The following PALS1 variants were observed in gnomAD, a reference collection of about 807,000 sequenced individuals.
PALS1 encodes the protein protein associated with LIN7 1, MAGUK p55 family member.
Under a neutral mutation model 78.9 loss-of-function variants are expected in PALS1, and 31 were observed. The observed-to-expected ratio is 0.39, with a 90% CI of 0.30 to 0.53. The LOEUF (loss-of-function observed/expected upper bound fraction) is 0.53. Among genes scored for constraint, PALS1 ranks in the 20% least tolerant of loss-of-function variants. PALS1 has a pLI of 0.67. For synonymous variants in PALS1, 276 were observed against 270.9 expected (o/e 1.02, Z -0.18); for missense variants, 704 against 826.5 (o/e 0.85, Z 1.82).
At chr14:67,300,889 A>T (rs1054149990) in intron 4 of PALS1, among the ~76,000 whole-genome samples, 9 of 151,048 alleles carry the variant, frequency 6.0e-5, no homozygotes, top group Non-Finnish European at 3.0e-5. Context: ...ACAGGGTCTC[A>T]CTGTGTTGCC....
intron 1 of PALS1, among the ~76,000 whole-genome samples, chr14:67,268,103 G>A (rs900997900): frequency 6.6e-6 from 1 of 152,248 alleles, no homozygotes; most frequent in South Asian, 2.1e-4. Context: ...TGTGTGGAAT[G>A]TCTCAGTCAT....
intron 4 of PALS1, among the ~76,000 whole-genome samples, chr14:67,293,424 T>G (rs962325588): frequency 6.6e-6 from 1 of 152,132 alleles, no homozygotes; most frequent in African/African-American, 2.4e-5. Flanking sequence ...ATGTATTTCA[T>G]TGAATGCCAA....
intron 11 of PALS1, among the ~76,000 whole-genome samples, chr14:67,318,922 A>G (rs1429906829): frequency 1.3e-5 from 2 of 152,068 alleles, no homozygotes; most frequent in Non-Finnish European, 2.9e-5. Context: ...GCCAGGCGTG[A>G]TGGCGGGTGC....
rs1438864567 is a variant in PALS1, at chr14:67,335,885, C to A, written c.*2929C>A. On this transcript the variant is annotated 3_prime_UTR_variant, in exon 15 of 15. Coordinates refer to ENST00000261681, the MANE Select transcript of PALS1 (RefSeq NM_022474.4). ...TTCCACACATGTAAAGACCACCCTCCTCTTCAAGTTTTTGCCAAAAGCAAG... is the reference window on the plus strand; with the variant it reads ...TTCCACACATGTAAAGACCACCCTCATCTTCAAGTTTTTGCCAAAAGCAAG... 6.6e-6 allele frequency: 1 copy of A among 152,254 alleles called. No homozygotes were observed. Among genetic ancestry groups the A allele is most frequent in the Non-Finnish European group, 1.5e-5 (1 of 68,050 alleles). The allele number at this position is 152,254 out of a possible 1,614,324, so 9.4% of individuals were successfully genotyped here. A position where few individuals can be genotyped will look rare whatever the true frequency, so the allele number is the denominator to read the frequency against.
intron 14 of PALS1, among the ~76,000 whole-genome samples, chr14:67,324,906 T>C (rs1344617854): frequency 7.2e-6 from 1 of 138,888 alleles, no homozygotes; most frequent in Non-Finnish European, 1.5e-5. Flanking sequence ...CATTTTTTTT[T>C]TTTTTTTTTT....
At position 67,299,671 on chromosome 14, in the gene PALS1, A is replaced by ATG. The variant is rs2084905183; in HGVS notation, c.577-1714_577-1713dup. 2.6e-5 allele frequency among the ~76,000 whole-genome samples: 4 copies of ATG among 152,202 alleles called. No individual in the cohort carries two copies. In the South Asian group the frequency reaches 6.2e-4, roughly 24 times the overall value. ...CACCGTTGTAGAAGTAGCTGATGAT[A>ATG]TGTGTTGACACTAGAATAAGCAACA... On this transcript the variant is annotated intron_variant, in intron 4 of 14. Coordinates refer to ENST00000261681, the MANE Select transcript of PALS1 (RefSeq NM_022474.4).
intron 1 of PALS1, among the ~76,000 whole-genome samples, chr14:67,258,444 G>A (rs2084180305): frequency 6.6e-6 from 1 of 152,186 alleles, no homozygotes; most frequent in Admixed American, 6.5e-5. Flanking sequence ...ATTGAGGCAG[G>A]AGGATTGCAA....
At chr14:67,255,206 G>C (rs2084128001) in intron 1 of PALS1, among the ~76,000 whole-genome samples, 1 of 152,022 alleles carries the variant, frequency 6.6e-6, no homozygotes. Context: ...TGACACTTCA[G>C]ACACGTTTTT....
intron 1 of PALS1, among the ~76,000 whole-genome samples, chr14:67,242,216 A>T (rs1445096220): frequency 1.3e-5 from 2 of 152,198 alleles, no homozygotes; most frequent in African/African-American, 4.8e-5. Flanking sequence ...CTGTTGATTG[A>T]CATACAGTAA....
At chr14:67,278,804 T>A (rs2084552467) in intron 2 of PALS1, among the ~76,000 whole-genome samples, 1 of 152,236 alleles carries the variant, frequency 6.6e-6, no homozygotes, top group South Asian at 2.1e-4. Flanking sequence ...TTGAATAGTA[T>A]GTTTCACATT....
chr14:67,256,797 G>GACACACACACACACAC lies in PALS1; in HGVS notation c.-236-12892_-236-12877dup, dbSNP rs10654145. Among the ~76,000 whole-genome samples, 991 of 147,756 alleles carry GACACACACACACACAC rather than the reference G, an allele frequency of 6.7e-3. 15 individuals are homozygous for GACACACACACACACAC. The highest frequency in any genetic ancestry group is 0.055 in the South Asian group (256 of 4,638). ...AGGACGAAGTGTTCCAGAAACTATT[G>GACACACACACACACAC]ACACACACACACACACACACACACA... On this transcript the variant is annotated intron_variant, in intron 1 of 14. Transcript: ENST00000261681.
chr14:67,320,251 T>C lies in PALS1; in HGVS notation c.1391T>C (p.Leu464Ser), dbSNP rs912462952. Residue 464 changes from leucine (L) to serine (S), a missense_variant, in exon 12 of 15, where the codon TTA becomes TCA. Coordinates refer to ENST00000261681, the MANE Select transcript of PALS1 (RefSeq NM_022474.4). ...KNDDYDNEEI[L>S]TYEEMSLYHQ... is the part of the protein sequence containing the mutation. ...AAAGATTATGACAACGAGGAGATCT[T>C]AACCTATGAGGAAATGTCACTTTAT... 6.2e-7 allele frequency: 1 copy of C among 1,612,908 alleles called. No homozygotes were observed. The highest frequency in any genetic ancestry group is 1.3e-5 in the African/African-American group (1 of 74,978).
intron 1 of PALS1, among the ~76,000 whole-genome samples, chr14:67,269,398 C>T (rs942172379): frequency 2.0e-5 from 3 of 152,012 alleles, no homozygotes; most frequent in Admixed American, 1.3e-4. Context: ...GGAGTAGAAT[C>T]GCTGATATGG....
At chr14:67,318,795 T>C (rs781127276) in intron 11 of PALS1, among the ~76,000 whole-genome samples, 1 of 152,076 alleles carries the variant, frequency 6.6e-6, no homozygotes, top group Non-Finnish European at 1.5e-5. Flanking sequence ...CGGTGGGTCA[T>C]GCCTGTAATC....
At chr14:67,285,568 A>T (rs2084673084) in intron 3 of PALS1, among the ~76,000 whole-genome samples, 1 of 149,102 alleles carries the variant, frequency 6.7e-6, no homozygotes, top group Non-Finnish European at 1.5e-5. Context: ...ATGGGGTTTC[A>T]CCGTGTTAGC....
rs1835323712 is a variant in PALS1 at position 67,302,907 on chromosome 14, A to AT, written c.963+342dup. ...ACAAAACAAAGTCTGTGTCCTGATG[A>AT]TTTTTTGTGTTCTTTTATTTTATTA... On this transcript the variant is annotated intron_variant, in intron 7 of 14. Coordinates refer to ENST00000261681, the MANE Select transcript of PALS1 (RefSeq NM_022474.4). Among the ~76,000 whole-genome samples, 9 of 152,234 alleles carry AT rather than the reference A, an allele frequency of 5.9e-5. No homozygotes were observed. In the East Asian group the frequency reaches 1.5e-3, roughly 26 times the overall value.
At chr14:67,265,298 C>CT (rs1332563189) in intron 1 of PALS1, among the ~76,000 whole-genome samples, 3 of 152,118 alleles carry the variant, frequency 2.0e-5, no homozygotes, top group Admixed American at 6.6e-5. Flanking sequence ...TGACTCATGC[C>CT]TGTAATCTCA....
intron 1 of PALS1, among the ~76,000 whole-genome samples, chr14:67,250,671 A>G (rs1030187943): frequency 3.3e-5 from 5 of 152,230 alleles, no homozygotes; most frequent in African/African-American, 1.2e-4. Flanking sequence ...GATCCAGGTG[A>G]TTCATCGACT....
At chr14:67,282,182 G>A (rs899667482) in intron 3 of PALS1, among the ~76,000 whole-genome samples, 4 of 152,132 alleles carry the variant, frequency 2.6e-5, no homozygotes, top group African/African-American at 9.6e-5. Flanking sequence ...AAAGTGAAGT[G>A]TAATAGCTTT....
Sources: gnomAD v4.1 joint callset for allele counts (sites outside exome capture counted in the v4.1 genomes callset) on GRCh38, gnomAD v4.1.1 for gene constraint, MANE v1.5 for transcripts, NCBI Gene and HGNC (gene_info 2026-07-23, HGNC 2026-07-21) for gene names.